The following CR1L variants were observed in gnomAD, a reference collection of about 807,000 sequenced individuals.
CR1L encodes the protein complement component receptor 1-like protein.
In CR1L, 59 loss-of-function variants were observed where a neutral mutation model predicts 62.3. The observed-to-expected ratio is 0.95, with a 90% CI of 0.77 to 1.18. The LOEUF (loss-of-function observed/expected upper bound fraction) is 1.18. Ranked by LOEUF, CR1L falls within the 50% of genes most tolerant of loss-of-function variation. The probability of loss-of-function intolerance (pLI) is 0.00; values close to 1 mark genes in which losing one functional copy is unlikely to be tolerated. For synonymous variants in CR1L, 279 were observed against 248.7 expected (o/e 1.12, Z -1.15); for missense variants, 700 against 702.8 (o/e 1.00, Z 0.04).
intron 10 of CR1L, chr1:207,715,475 G>A: frequency 1.1e-6 from 1 of 876,310 alleles, no homozygotes; most frequent in Non-Finnish European, 1.8e-6. Context: ...GGAATCACTT[G>A]TCTGGATCTT....
intron 1 of CR1L, among the ~76,000 whole-genome samples, chr1:207,649,793 T>C (rs535739429): frequency 4.3e-4 from 65 of 152,318 alleles, no homozygotes; most frequent in African/African-American, 1.6e-3. Flanking sequence ...GAAAGGTATC[T>C]GTCTTGGAAA....
intron 1 of CR1L, 77 bp downstream of exon 1, chr1:207,645,407 G>A: frequency 1.3e-6 from 2 of 1,514,740 alleles, no homozygotes; most frequent in Non-Finnish European, 1.8e-6. Flanking sequence ...GAGGCGCGGG[G>A]CGAAGCTCAC....
At chr1:207,697,971 G>A in intron 7 of CR1L, 98 bp downstream of exon 7, 1 of 1,481,010 alleles carries the variant, frequency 6.8e-7, no homozygotes, top group Non-Finnish European at 9.3e-7. Flanking sequence ...AAGACAGACA[G>A]ACAGACACAC....
chr1:207,675,389 G>T (rs562207229), intron 1 of CR1L, among the ~76,000 whole-genome samples: 3 of 152,178 alleles, frequency 2.0e-5, no homozygotes, highest in Non-Finnish European at 2.9e-5. Context: ...GCCAGGGAAG[G>T]CTTCGATAAG....
At chr1:207,718,185 G>A (rs180974847) in intron 11 of CR1L, among the ~76,000 whole-genome samples, 2 of 152,288 alleles carry the variant, frequency 1.3e-5, no homozygotes, top group African/African-American at 2.4e-5. Flanking sequence ...TGTTCAAGCC[G>A]CTGACTATAT....
In CR1L at chr1:207,697,504, A is replaced by G; in HGVS notation, c.864A>G (p.Val288=). 6.2e-7 allele frequency: 1 copy of G among 1,613,786 alleles called. No individual in the cohort carries two copies. The highest frequency in any genetic ancestry group is 8.5e-7 in the Non-Finnish European group (1 of 1,179,722). ...AGTACTTTGTTTCTCTCTCCCCAGT[A>G]TGTCAGCCACCTCCAGATGTCCTGC... ...WEPELPSCSR[V]CQPPPDVLHA... The change falls in exon 6 of 12, where the codon GTA becomes GTG. Residue 288 remains valine, a splice_region_variant and synonymous_variant. Transcript: ENST00000508064.
At chr1:207,690,571 T>C (rs1391320539) in intron 4 of CR1L, among the ~76,000 whole-genome samples, 1 of 152,214 alleles carries the variant, frequency 6.6e-6, no homozygotes, top group Non-Finnish European at 1.5e-5. Flanking sequence ...CTCCACTTGT[T>C]CTCTCAGTTA....
Position 207,699,177 on chromosome 1 carries a change from T to C in CR1L, c.1143-12T>C. 1 of 1,613,512 alleles carries C rather than the reference T, an allele frequency of 6.2e-7. No homozygotes were observed. Among genetic ancestry groups the C allele is most frequent in the Non-Finnish European group, 8.5e-7 (1 of 1,179,554 alleles). Reference sequence around the variant, plus strand: ...GAAACAGCTCGCTATTCACTCCTATTTTCTTCTTTAGATTTCAATTAAAAG... The same window carrying C: ...GAAACAGCTCGCTATTCACTCCTATCTTCTTCTTTAGATTTCAATTAAAAG... On this transcript the variant is annotated splice_polypyrimidine_tract_variant and intron_variant, in intron 7 of 11. Transcript: ENST00000508064.
rs766636399 is a variant in CR1L, at chr1:207,683,008, C to CTT, written c.378-860_378-859dup. 3.6e-3 allele frequency among the ~76,000 whole-genome samples: 447 copies of CTT among 122,706 alleles called. 6 individuals are homozygous for CTT. The highest frequency in any genetic ancestry group is 8.7e-3 in the South Asian group (26 of 2,976). The allele number at this position is 122,706 out of a possible 152,430, so 80.5% of individuals were successfully genotyped here. A position where few individuals can be genotyped will look rare whatever the true frequency, so the allele number is the denominator to read the frequency against. The stretch of plus-strand genomic sequence containing the variant: ...TCTTTCTTTTTTTCTTTCTTTCTTT[C>CTT]TTTTTCTTTCTTTCTTTCCTTCCTT... On this transcript the variant is annotated intron_variant, in intron 3 of 11. Transcript: ENST00000508064.
chr1:207,709,103 TAATA>T, intron 10 of CR1L: 1 of 235,836 alleles, frequency 4.2e-6, no homozygotes, highest in Non-Finnish European at 8.4e-6. Context: ...TCTTATTATT[TAATA>T]AAGATGTTAT....
chr1:207,686,064 C>T (rs903518329), intron 4 of CR1L, among the ~76,000 whole-genome samples: 1 of 125,760 alleles, frequency 8.0e-6, no homozygotes, highest in Non-Finnish European at 1.7e-5. Context: ...TCTTTGCTTG[C>T]TTCCTTCCTT....
At chr1:207,695,670 T>C (rs1020222726) in intron 5 of CR1L, among the ~76,000 whole-genome samples, 21 of 152,154 alleles carry the variant, frequency 1.4e-4, no homozygotes, top group Admixed American at 5.2e-4. Flanking sequence ...GGGTAATTTA[T>C]AAAGAAAAGA....
intron 3 of CR1L, among the ~76,000 whole-genome samples, chr1:207,683,212 C>T (rs1663833279): frequency 6.6e-6 from 1 of 151,910 alleles, no homozygotes; most frequent in Non-Finnish European, 1.5e-5. Flanking sequence ...TCAACACTCA[C>T]TGCAGCCTCA....
intron 10 of CR1L, among the ~76,000 whole-genome samples, chr1:207,716,721 A>C (rs1015946096): frequency 6.6e-6 from 1 of 152,232 alleles, no homozygotes; most frequent in African/African-American, 2.4e-5. Context: ...AAATTCAAGC[A>C]TGAGAAGTTA....
intron 1 of CR1L, among the ~76,000 whole-genome samples, chr1:207,653,585 G>A (rs1169174933): frequency 6.6e-6 from 1 of 152,182 alleles, no homozygotes; most frequent in African/African-American, 2.4e-5. Flanking sequence ...GTGTGACCTG[G>A]TTAGCCTTTA....
At chr1:207,673,882 T>C (rs1431623147) in intron 1 of CR1L, among the ~76,000 whole-genome samples, 4 of 152,226 alleles carry the variant, frequency 2.6e-5, no homozygotes, top group Non-Finnish European at 5.9e-5. Flanking sequence ...CATAACAGTT[T>C]TGTTTGTAAT....
chr1:207,721,846 A>G lies in CR1L; in HGVS notation c.1643-1772A>G, dbSNP rs1291671780. Among the ~76,000 whole-genome samples the G allele has an allele frequency of 2.2e-5, 3 of 139,516 alleles. No homozygotes were observed. The East Asian group carries it at 6.4e-4, about 30-fold the overall frequency. 91.5% of individuals were successfully genotyped at this position (139,516 alleles called of 152,430 possible). A position where few individuals can be genotyped will look rare whatever the true frequency, so the allele number is the denominator to read the frequency against. On this transcript the variant is annotated intron_variant, in intron 11 of 11. Transcript: ENST00000508064. ...GTTCCTATTTCTCCACATCCTCTCC[A>G]GCACCTGTTGTTTCCTGACTTTTTA...
chr1:207,694,285 TAC>T, intron 4 of CR1L, 66 bp from the exon 5 acceptor site: 2 of 1,566,400 alleles, frequency 1.3e-6, no homozygotes, highest in Non-Finnish European at 1.7e-6. Flanking sequence ...TAAAAATAGT[TAC>T]AGTTTAGTGA....
At chr1:207,690,788 G>A (rs993474339) in intron 4 of CR1L, among the ~76,000 whole-genome samples, 7 of 152,318 alleles carry the variant, frequency 4.6e-5, no homozygotes, top group Middle Eastern at 3.4e-3. Context: ...GCTGGCAATC[G>A]TTGATGTTCC....
Sources: allele counts gnomAD v4.1 joint callset (sites outside exome capture counted in the v4.1 genomes callset), GRCh38; gene constraint gnomAD v4.1.1; transcripts MANE v1.5; gene names NCBI Gene and HGNC (gene_info 2026-07-23, HGNC 2026-07-21).